Variants in PHKB observed in about 807,000 individuals in gnomAD.
PHKB encodes phosphorylase kinase regulatory subunit beta, also known as phosphorylase b kinase regulatory subunit beta.
PHKB carries 122 observed loss-of-function variants against 152.1 expected under a neutral mutation model. The observed-to-expected ratio is 0.80, with a 90% CI of 0.69 to 0.93. The LOEUF (loss-of-function observed/expected upper bound fraction) is 0.93, where lower values mean the gene tolerates loss of function less well. Ranked by LOEUF, PHKB falls within the 40% of genes least tolerant of loss-of-function variation. The probability of loss-of-function intolerance (pLI) is 0.00; values close to 1 mark genes in which losing one functional copy is unlikely to be tolerated. For missense variants in PHKB, 1,304 were observed against 1,328.4 expected (o/e 0.98, Z 0.29); for synonymous variants, 436 against 464.9 (o/e 0.94, Z 0.80).
chr16:47,527,772 G>T (rs1173372025), intron 6 of PHKB, among the ~76,000 whole-genome samples: 1 of 152,172 alleles, frequency 6.6e-6, no homozygotes, highest in African/African-American at 2.4e-5. Context: ...ACCTAATCCA[G>T]TCTGACTGGT....
chr16:47,488,934 T>C (rs1174906118), intron 1 of PHKB, among the ~76,000 whole-genome samples: 1 of 152,246 alleles, frequency 6.6e-6, no homozygotes, highest in Non-Finnish European at 1.5e-5. Flanking sequence ...TGCCTCTCTT[T>C]TGGTTCCATA....
intron 14 of PHKB, among the ~76,000 whole-genome samples, chr16:47,623,422 C>T (rs1365985429): frequency 8.0e-5 from 12 of 149,280 alleles, no homozygotes; most frequent in African/African-American, 2.7e-4. Flanking sequence ...TCTTTTATCC[C>T]TTTGTGTGAT....
chr16:47,654,320 G>A (rs1193883203), intron 20 of PHKB, among the ~76,000 whole-genome samples: 1 of 152,180 alleles, frequency 6.6e-6, no homozygotes, highest in African/African-American at 2.4e-5. Flanking sequence ...TGGAGAGGAT[G>A]TGGAGAAATA....
chr16:47,563,022 T>G (rs971730234), intron 7 of PHKB, among the ~76,000 whole-genome samples: 1 of 152,150 alleles, frequency 6.6e-6, no homozygotes, highest in Non-Finnish European at 1.5e-5. Context: ...TCAAGTTTTA[T>G]CTTGAGTTTA....
chr16:47,551,893 G>A (rs936623388), intron 7 of PHKB, among the ~76,000 whole-genome samples: 5 of 152,168 alleles, frequency 3.3e-5, no homozygotes, highest in African/African-American at 1.2e-4. Flanking sequence ...GAATCTGGGT[G>A]CTCCTGTATT....
chr16:47,497,572 G>T lies in PHKB; in HGVS notation c.166+84G>T. The T allele has an allele frequency of 3.7e-6, 3 of 809,256 alleles. No homozygotes were observed. In the East Asian group the frequency reaches 7.6e-5, roughly 20 times the overall value. 50.1% of individuals were successfully genotyped at this position (809,256 alleles called of 1,614,324 possible). ...CCTAGTTAAATTATGTACATTATGT[G>T]GATGATATTGTTCTGTCATTGGGAT... On this transcript the variant is annotated intron_variant, in intron 2 of 30. Transcript: ENST00000323584.
chr16:47,473,437 G>A (rs968384177), intron 1 of PHKB, among the ~76,000 whole-genome samples: 6 of 151,296 alleles, frequency 4.0e-5, no homozygotes, highest in African/African-American at 7.3e-5. Context: ...TTAGGCCTTC[G>A]TTGCCTTGAT....
Position 47,547,516 on chromosome 16 carries a change from A to G in PHKB, c.678A>G (p.Lys226=), listed in dbSNP as rs762504730. 28 of 1,609,546 alleles carry G rather than the reference A, an allele frequency of 1.7e-5. No homozygotes were observed. In the South Asian group the frequency reaches 3.1e-4, roughly 18 times the overall value. ...TTGGTGTCTGGGAAAGAGGAAGCAA[A>G]TATAATAATGGCAGCACAGAGCTAC... ...PDFGVWERGS[K]YNNGSTELHS... is the part of the protein sequence containing the mutation. The change falls in exon 7 of 31, where the codon AAA becomes AAG. Residue 226 remains lysine (K), a synonymous_variant. Coordinates refer to ENST00000323584, the MANE Select transcript of PHKB (RefSeq NM_000293.3).
chr16:47,595,334 A>G (rs1972099152), intron 12 of PHKB, among the ~76,000 whole-genome samples: 1 of 152,154 alleles, frequency 6.6e-6, no homozygotes, highest in South Asian at 2.1e-4. Context: ...AGGAAGCAAA[A>G]TTTTAGGGAA....
intron 5 of PHKB, 48 bp from the exon 6 acceptor site, chr16:47,515,473 T>C (rs1970579302): frequency 1.2e-6 from 1 of 846,536 alleles, no homozygotes; most frequent in Non-Finnish European, 2.1e-6. Context: ...ATTTTATAAC[T>C]TGTTTTGGTT....
At position 47,546,866 on chromosome 16, in the gene PHKB, G is replaced by A. The variant is rs901296686; in HGVS notation, c.595-567G>A. On this transcript the variant is annotated intron_variant, in intron 6 of 30. Transcript: ENST00000323584. ...CCGTGCAGTTCGATCTCGGACTGCC[G>A]TTCTAACAGTGAGCAAGGCTCCATG... Among the ~76,000 whole-genome samples, 6 of 152,216 alleles carry A rather than the reference G, an allele frequency of 3.9e-5. No homozygotes were observed. The South Asian group carries it at 8.3e-4, about 21-fold the overall frequency.
intron 3 of PHKB, among the ~76,000 whole-genome samples, chr16:47,500,346 T>A (rs1200882164): frequency 2.6e-5 from 4 of 152,164 alleles, no homozygotes; most frequent in Admixed American, 2.0e-4. Context: ...AACCGTTTCA[T>A]TTTTCTAAGA....
chr16:47,582,654 G>A (rs1332028380), intron 8 of PHKB, among the ~76,000 whole-genome samples: 3 of 152,180 alleles, frequency 2.0e-5, no homozygotes, highest in Non-Finnish European at 4.4e-5. Context: ...TCAAGGGCGA[G>A]AACAACTGCT....
chr16:47,527,856 T>G (rs1001474635), intron 6 of PHKB, among the ~76,000 whole-genome samples: 2 of 152,116 alleles, frequency 1.3e-5, no homozygotes, highest in African/African-American at 2.4e-5. Flanking sequence ...AAAGGCCACA[T>G]GAGGACAAAG....
chr16:47,538,901 T>G lies in PHKB; in HGVS notation c.595-8532T>G, dbSNP rs1259408848. ...TGTTTCCTTCTTAAAAGTATATACATTATATTAATTATGTGTGTGTAGGAT... is the reference window on the plus strand; with the variant it reads ...TGTTTCCTTCTTAAAAGTATATACAGTATATTAATTATGTGTGTGTAGGAT... On this transcript the variant is annotated intron_variant, in intron 6 of 30. Transcript: ENST00000323584. Among the ~76,000 whole-genome samples, 3 of 152,194 alleles carry G rather than the reference T, an allele frequency of 2.0e-5. No individual in the cohort carries two copies. The East Asian group carries it at 5.8e-4, about 29-fold the overall frequency.
intron 26 of PHKB, among the ~76,000 whole-genome samples, chr16:47,687,166 A>G (rs1973979213): frequency 6.6e-6 from 1 of 152,206 alleles, no homozygotes; most frequent in Non-Finnish European, 1.5e-5. Flanking sequence ...GTAAGTTTTA[A>G]ATCTAAGTAA....
At chr16:47,629,696 A>G (rs541287401) in intron 14 of PHKB, among the ~76,000 whole-genome samples, 2 of 152,194 alleles carry the variant, frequency 1.3e-5, no homozygotes, top group Admixed American at 1.3e-4. Flanking sequence ...AGGATTATAA[A>G]TCATGCTGCT....
At chr16:47,661,056 G>A (rs1973435634) in intron 22 of PHKB, among the ~76,000 whole-genome samples, 1 of 152,180 alleles carries the variant, frequency 6.6e-6, no homozygotes, top group African/African-American at 2.4e-5. Context: ...GGATATACAA[G>A]TATGGTATGA....
chr16:47,495,119 G>A (rs1162921996), intron 1 of PHKB, among the ~76,000 whole-genome samples: 1 of 149,278 alleles, frequency 6.7e-6, no homozygotes, highest in Non-Finnish European at 1.5e-5. Flanking sequence ...TCCTCTTACT[G>A]AATAGATACT....
Sources: allele counts gnomAD v4.1 joint callset (sites outside exome capture counted in the v4.1 genomes callset), GRCh38; gene constraint gnomAD v4.1.1; transcripts MANE v1.5; gene names NCBI Gene and HGNC (gene_info 2026-07-23, HGNC 2026-07-21).